The following BAZ1A variants were observed in gnomAD, a reference collection of about 807,000 sequenced individuals.
The protein encoded by BAZ1A is bromodomain adjacent to zinc finger domain 1A.
In BAZ1A, 50 loss-of-function variants were observed where a neutral mutation model predicts 185.2. The observed-to-expected ratio is 0.27, with a 90% CI of 0.22 to 0.34. The LOEUF is 0.34. Ranked by LOEUF, BAZ1A falls within the 10% of genes least tolerant of loss-of-function variation. BAZ1A has a pLI of 1.00. For synonymous variants in BAZ1A, 571 were observed against 615.6 expected, an observed-to-expected ratio of 0.93 and a Z score of 1.07; for missense variants, 1,356 against 1,839.9, an observed-to-expected ratio of 0.74 and a Z score of 4.81.
Position 34,874,918 on chromosome 14 carries a change from G to A in BAZ1A, c.-59+220C>T, listed in dbSNP as rs893361470. On this transcript the variant is annotated intron_variant, in intron 1 of 26. Transcript: ENST00000360310. This position sits in a 1 kb window ranked among gnomAD's most constrained non-coding sequence, Gnocchi z 4.7. ...ACAATGGGGCAGGACGCCCCGCCGC[G>A]GGGGGCAGTGCGGGAGCGGCGGCGG... The A allele has an allele frequency of 1.0e-4, 17 of 166,722 alleles. No individual in the cohort carries two copies. The highest frequency in any genetic ancestry group is 3.6e-4 in the African/African-American group (15 of 41,870). The allele number at this position is 166,722 out of a possible 1,614,324, so 10.3% of individuals were successfully genotyped here. A position where few individuals can be genotyped will look rare whatever the true frequency, so the allele number is the denominator to read the frequency against.
intron 12 of BAZ1A, chr14:34,786,501 A>G (rs1323163852): frequency 6.9e-6 from 2 of 291,632 alleles, no homozygotes; most frequent in South Asian, 6.1e-5. Flanking sequence ...AAAAGATAAA[A>G]TGCACTTTAG....
At chr14:34,795,013 TG>T in intron 10 of BAZ1A, 126 bp from the exon 11 acceptor site, 1 of 1,278,716 alleles carries the variant, frequency 7.8e-7, no homozygotes. Flanking sequence ...TCTCAACCCT[TG>T]CTGTTTATCA....
At chr14:34,870,895 T>A (rs924125771) in intron 2 of BAZ1A, among the ~76,000 whole-genome samples, 5 of 152,242 alleles carry the variant, frequency 3.3e-5, no homozygotes, top group Middle Eastern at 3.4e-3. Flanking sequence ...AGATGAACAA[T>A]GAAAACAGGA....
At chr14:34,790,025 G>T (rs1880738550) in intron 12 of BAZ1A, among the ~76,000 whole-genome samples, 1 of 152,114 alleles carries the variant, frequency 6.6e-6, no homozygotes, top group African/African-American at 2.4e-5. Flanking sequence ...GAAACAATGC[G>T]TAGTCTCTTA....
At chr14:34,852,498 A>G (rs1469183382) in intron 3 of BAZ1A, among the ~76,000 whole-genome samples, 1 of 152,090 alleles carries the variant, frequency 6.6e-6, no homozygotes, top group Non-Finnish European at 1.5e-5. Context: ...GCACGCCCGT[A>G]TTCCCAGCTA....
rs145067988 is a variant in BAZ1A, at chr14:34,759,241, C to T, written c.4244-395G>A. 7.1e-3 allele frequency among the ~76,000 whole-genome samples: 868 copies of T among 122,716 alleles called. 16 individuals are homozygous for T. Among genetic ancestry groups the T allele is most frequent in the African/African-American group, 0.027 (839 of 31,526 alleles). 80.5% of individuals were successfully genotyped at this position (122,716 alleles called of 152,430 possible). On this transcript the variant is annotated intron_variant, in intron 24 of 26. Transcript: ENST00000360310. The stretch of plus-strand genomic sequence containing the variant: ...TGTCACCCAGGCTGGAGTGCAGTGT[C>T]GCGATCTTGGCTCACTGAAAGCTCC...
At chr14:34,758,547 T>C in intron 25 of BAZ1A, 157 bp downstream of exon 25, 3 of 713,958 alleles carry the variant, frequency 4.2e-6, no homozygotes, top group South Asian at 2.1e-5. Context: ...GCCACTGCAC[T>C]CCAGCCTGGG....
intron 3 of BAZ1A, among the ~76,000 whole-genome samples, chr14:34,832,181 T>C (rs953519520): frequency 1.0e-5 from 1 of 96,310 alleles, no homozygotes. Flanking sequence ...TATATATACA[T>C]ATATACATAT....
At chr14:34,859,605 T>C (rs2042736349) in intron 3 of BAZ1A, among the ~76,000 whole-genome samples, 1 of 152,200 alleles carries the variant, frequency 6.6e-6, no homozygotes, top group Non-Finnish European at 1.5e-5. Flanking sequence ...GAGACCCCTT[T>C]TCTACTTAAC....
At chr14:34,824,235 A>G (rs1322674743) in intron 4 of BAZ1A, among the ~76,000 whole-genome samples, 1 of 146,986 alleles carries the variant, frequency 6.8e-6, no homozygotes, top group African/African-American at 2.5e-5. Context: ...TTAGCCAGGC[A>G]TGGTAGCACG....
At chr14:34,852,102 G>A (rs976662585) in intron 3 of BAZ1A, among the ~76,000 whole-genome samples, 1 of 151,972 alleles carries the variant, frequency 6.6e-6, no homozygotes. Context: ...ACTCCAGCCT[G>A]GGCGACAGAG....
intron 3 of BAZ1A, among the ~76,000 whole-genome samples, chr14:34,860,518 T>TAAAAAAAAAAAAAAAAAAACAAAAAAA (rs397852116): frequency 1.4e-5 from 1 of 70,610 alleles, no homozygotes; most frequent in Non-Finnish European, 2.5e-5. Flanking sequence ...TACCAAAAGT[T>TAAAAAAAAAAAAAAAAAAACAAAAAAA]AAAAAAAAAA....
chr14:34,762,465 G>A (rs1886565719), intron 23 of BAZ1A, among the ~76,000 whole-genome samples: 2 of 150,554 alleles, frequency 1.3e-5, no homozygotes, highest in Admixed American at 6.7e-5. Context: ...AATATTTTAT[G>A]TTTTCTTTTC....
chr14:34,774,196 A>G lies in BAZ1A; in HGVS notation c.2997+131T>C, dbSNP rs554024577. The G allele has an allele frequency of 3.1e-5, 21 of 685,982 alleles. No homozygotes were observed. The South Asian group carries it at 6.4e-4, about 21-fold the overall frequency. 42.5% of individuals were successfully genotyped at this position (685,982 alleles called of 1,614,324 possible). A position where few individuals can be genotyped will look rare whatever the true frequency, so the allele number is the denominator to read the frequency against. On this transcript the variant is annotated intron_variant, in intron 19 of 26. Coordinates refer to ENST00000360310, the MANE Select transcript of BAZ1A (RefSeq NM_013448.3). ...TGCAGGGGAATAAACTTAAGTTTTC[A>G]TAAAAAATTTATCATTCTCTGGTGT...
At chr14:34,757,684 C>G (rs1886318784) in intron 25 of BAZ1A, among the ~76,000 whole-genome samples, 1 of 150,708 alleles carries the variant, frequency 6.6e-6, no homozygotes, top group Non-Finnish European at 1.5e-5. Flanking sequence ...ACAAAAACAA[C>G]AAAAAAAGAA....
At chr14:34,861,494 C>T (rs151099395) in intron 3 of BAZ1A, among the ~76,000 whole-genome samples, 1 of 152,236 alleles carries the variant, frequency 6.6e-6, no homozygotes, top group African/African-American at 2.4e-5. Context: ...AGAAGGAGAA[C>T]TTAGTGGAGT....
intron 21 of BAZ1A, among the ~76,000 whole-genome samples, chr14:34,768,457 C>CT (rs1410454118): frequency 6.6e-6 from 1 of 152,086 alleles, no homozygotes; most frequent in Non-Finnish European, 1.5e-5. Context: ...CCGGTGTCAA[C>CT]TTTCTATATG....
chr14:34,805,186 C>CT (rs1881790295), intron 6 of BAZ1A, among the ~76,000 whole-genome samples: 1 of 152,222 alleles, frequency 6.6e-6, no homozygotes, highest in East Asian at 1.9e-4. Context: ...GCCCACAAAA[C>CT]TGTGAGCCGA....
In BAZ1A at chr14:34,790,912, C is replaced by T. The variant is rs575874744; in HGVS notation, c.1510+1863G>A. On this transcript the variant is annotated intron_variant, in intron 12 of 26. Transcript: ENST00000360310. ...GGCCGAGGCGGGCAGACCCTGAGGT[C>T]GGGAGTTCGAGACCAGCCTCACCAA... 9.9e-5 allele frequency among the ~76,000 whole-genome samples: 15 copies of T among 152,126 alleles called. No individual in the cohort carries two copies. The East Asian group carries it at 2.5e-3, about 26-fold the overall frequency.
Sources: allele counts gnomAD v4.1 joint callset (sites outside exome capture counted in the v4.1 genomes callset), GRCh38; gene constraint gnomAD v4.1.1; non-coding constraint Gnocchi (gnomAD v3.1); transcripts MANE v1.5; gene names NCBI Gene and HGNC (gene_info 2026-07-23, HGNC 2026-07-21).